Variants in IMMP2L observed in about 807,000 individuals in gnomAD.
The protein encoded by IMMP2L is mitochondrial inner membrane protease subunit 2.
In IMMP2L, 18 loss-of-function variants were observed where a neutral mutation model predicts 19.3. The observed-to-expected ratio is 0.93, with a 90% CI of 0.64 to 1.38. The LOEUF is 1.38. Ranked by LOEUF, IMMP2L falls within the 40% of genes most tolerant of loss-of-function variation. The pLI is 0.00. For synonymous variants in IMMP2L, 76 were observed against 73.0 expected, an observed-to-expected ratio of 1.04 and a Z score of -0.21; for missense variants, 233 against 218.2, an observed-to-expected ratio of 1.07 and a Z score of -0.43.
intron 3 of IMMP2L, among the ~76,000 whole-genome samples, chr7:110,981,194 A>G (rs1313395224): frequency 6.6e-6 from 1 of 152,182 alleles, no homozygotes; most frequent in Non-Finnish European, 1.5e-5. Context: ...GACAAAGAAG[A>G]AAGTTGTGTA....
chr7:111,078,042 T>G (rs1795564139), intron 3 of IMMP2L, among the ~76,000 whole-genome samples: 1 of 152,216 alleles, frequency 6.6e-6, no homozygotes, highest in South Asian at 2.1e-4. Flanking sequence ...TAATATTACT[T>G]TGTTTTAATT....
At chr7:111,076,321 T>A (rs546382241) in intron 3 of IMMP2L, among the ~76,000 whole-genome samples, 2 of 152,356 alleles carry the variant, frequency 1.3e-5, no homozygotes, top group Admixed American at 1.3e-4. Flanking sequence ...AGATCTGATA[T>A]CTATTCAATG....
intron 3 of IMMP2L, among the ~76,000 whole-genome samples, chr7:110,996,585 A>G (rs1009070570): frequency 6.6e-6 from 1 of 152,148 alleles, no homozygotes; most frequent in Non-Finnish European, 1.5e-5. Flanking sequence ...ACCATATGAA[A>G]GAGAACCAGA....
intron 3 of IMMP2L, among the ~76,000 whole-genome samples, chr7:111,433,316 T>C (rs1483453155): frequency 6.6e-6 from 1 of 151,722 alleles, no homozygotes; most frequent in Non-Finnish European, 1.5e-5. Context: ...GACTGGGCAA[T>C]TTACAAAAGA....
At chr7:111,481,242 G>T (rs544457611) in intron 3 of IMMP2L, among the ~76,000 whole-genome samples, 2 of 152,236 alleles carry the variant, frequency 1.3e-5, no homozygotes, top group East Asian at 3.9e-4. Context: ...AGAAATGGGA[G>T]TAAAATAAGA....
chr7:110,863,529 C>T (rs1176114655), intron 5 of IMMP2L, among the ~76,000 whole-genome samples: 1 of 152,050 alleles, frequency 6.6e-6, no homozygotes, highest in African/African-American at 2.4e-5. Context: ...AGAAACTGTA[C>T]TTTGAATTTT....
At chr7:111,549,254 A>G (rs1196242685) in intron 1 of IMMP2L, among the ~76,000 whole-genome samples, 1 of 152,076 alleles carries the variant, frequency 6.6e-6, no homozygotes, top group Non-Finnish European at 1.5e-5. Flanking sequence ...ACAATTCCCC[A>G]CTATTCTCTG....
chr7:111,195,118 T>A (rs1013382143), intron 3 of IMMP2L, among the ~76,000 whole-genome samples: 1 of 152,128 alleles, frequency 6.6e-6, no homozygotes, highest in Admixed American at 6.5e-5. Context: ...GTAAAGTATA[T>A]GAAAGAGGCA....
chr7:110,916,997 G>A (rs1320382936), intron 4 of IMMP2L, among the ~76,000 whole-genome samples: 1 of 152,036 alleles, frequency 6.6e-6, no homozygotes, highest in Non-Finnish European at 1.5e-5. Context: ...TTGGAAAAAG[G>A]GCCTCTATAG....
chr7:111,098,429 A>C (rs1420965906), intron 3 of IMMP2L, among the ~76,000 whole-genome samples: 2 of 151,842 alleles, frequency 1.3e-5, no homozygotes, highest in Non-Finnish European at 2.9e-5. Flanking sequence ...TATTTAGGCT[A>C]TAAATTATAC....
chr7:111,492,223 T>TA (rs925400751), intron 2 of IMMP2L: 21 of 194,996 alleles, frequency 1.1e-4, no homozygotes, highest in Admixed American at 2.0e-4. Context: ...GGAAAGAATT[T>TA]AAAAAAATCA....
At chr7:111,346,294 T>C (rs148650579) in intron 3 of IMMP2L, among the ~76,000 whole-genome samples, 97 of 152,234 alleles carry the variant, frequency 6.4e-4, no homozygotes, top group African/African-American at 2.2e-3. Context: ...ATTGAACCCA[T>C]GTTGACTCCA....
chr7:111,451,680 T>A (rs1345731589), intron 3 of IMMP2L, among the ~76,000 whole-genome samples: 1 of 139,296 alleles, frequency 7.2e-6, no homozygotes, highest in Non-Finnish European at 1.5e-5. Context: ...ACCTGCACAA[T>A]GTGCACATGT....
intron 5 of IMMP2L, among the ~76,000 whole-genome samples, chr7:110,723,545 A>G (rs1795704909): frequency 6.6e-6 from 1 of 152,030 alleles, no homozygotes; most frequent in Non-Finnish European, 1.5e-5. Context: ...TTAATCCTCT[A>G]AATAAATCTT....
At chr7:111,314,479 A>C (rs1269445638) in intron 3 of IMMP2L, among the ~76,000 whole-genome samples, 1 of 152,146 alleles carries the variant, frequency 6.6e-6, no homozygotes, top group Non-Finnish European at 1.5e-5. Context: ...GAAATTTTTT[A>C]ATTTAAATTT....
At chr7:110,686,333 G>GT (rs1317049250) in intron 5 of IMMP2L, among the ~76,000 whole-genome samples, 1 of 151,076 alleles carries the variant, frequency 6.6e-6, no homozygotes, top group Non-Finnish European at 1.5e-5. Flanking sequence ...TGTCTCCTCT[G>GT]TTTTTTTGCT....
At chr7:111,481,784 A>G (rs1336832690) in intron 3 of IMMP2L, among the ~76,000 whole-genome samples, 2 of 152,190 alleles carry the variant, frequency 1.3e-5, no homozygotes, top group Non-Finnish European at 2.9e-5. Flanking sequence ...CACTTCAGAC[A>G]TACTCCAGGG....
chr7:111,093,539 C>A (rs1034590465), intron 3 of IMMP2L, among the ~76,000 whole-genome samples: 2 of 152,168 alleles, frequency 1.3e-5, no homozygotes, highest in African/African-American at 4.8e-5. Flanking sequence ...GCCAGACACA[C>A]ATTCTTAAAT....
chr7:111,302,024 T>C (rs1384262075), intron 3 of IMMP2L, among the ~76,000 whole-genome samples: 1 of 145,712 alleles, frequency 6.9e-6, no homozygotes, highest in Admixed American at 6.9e-5. Flanking sequence ...TGTACATGAC[T>C]AGATTCACCA....
Sources: gnomAD v4.1 joint callset for allele counts (sites outside exome capture counted in the v4.1 genomes callset) on GRCh38, gnomAD v4.1.1 for gene constraint, MANE v1.5 for transcripts, NCBI Gene and HGNC (gene_info 2026-07-23, HGNC 2026-07-21) for gene names.